Variants in CACNA2D3 observed in about 807,000 individuals in gnomAD.
CACNA2D3 encodes the protein calcium voltage-gated channel auxiliary subunit alpha2delta 3.
In CACNA2D3, 60 loss-of-function variants were observed where a neutral mutation model predicts 160.6. The observed-to-expected ratio is 0.37, with a 90% CI of 0.30 to 0.46. CACNA2D3 has a LOEUF of 0.46. Ranked by LOEUF, CACNA2D3 falls within the 20% of genes least tolerant of loss-of-function variation. CACNA2D3 has a pLI of 1.00. For synonymous variants in CACNA2D3, 558 were observed against 492.9 expected (o/e 1.13, Z -1.75); for missense variants, 1,205 against 1,365.0 (o/e 0.88, Z 1.85).
intron 16 of CACNA2D3, among the ~76,000 whole-genome samples, chr3:54,842,689 C>G (rs1698843952): frequency 1.3e-5 from 2 of 151,778 alleles, no homozygotes; most frequent in Non-Finnish European, 2.9e-5. Flanking sequence ...CAACCTCTGC[C>G]TTCCAGGTTC....
At chr3:54,944,305 A>T (rs1701552952) in intron 27 of CACNA2D3, among the ~76,000 whole-genome samples, 1 of 151,718 alleles carries the variant, frequency 6.6e-6, no homozygotes, top group African/African-American at 2.4e-5. Context: ...TTTTTGTTTT[A>T]TTATCTGCCA....
chr3:54,370,425 TG>T (rs1698904686), intron 3 of CACNA2D3, among the ~76,000 whole-genome samples: 1 of 152,238 alleles, frequency 6.6e-6, no homozygotes, highest in African/African-American at 2.4e-5. Flanking sequence ...TGGGTCGTTG[TG>T]CTAAAGACAC....
intron 8 of CACNA2D3, among the ~76,000 whole-genome samples, chr3:54,573,916 G>A (rs1222371484): frequency 6.6e-6 from 1 of 152,118 alleles, no homozygotes; most frequent in Non-Finnish European, 1.5e-5. Flanking sequence ...AATTGCTCTA[G>A]TAATATGGTG....
chr3:54,391,771 A>C (rs1699286696), intron 4 of CACNA2D3, among the ~76,000 whole-genome samples: 1 of 152,118 alleles, frequency 6.6e-6, no homozygotes, highest in Non-Finnish European at 1.5e-5. Flanking sequence ...TTGGCCTCCC[A>C]AAGTGCTGGG....
chr3:54,918,292 C>A, intron 27 of CACNA2D3: 2 of 682,980 alleles, frequency 2.9e-6, no homozygotes, highest in Non-Finnish European at 4.8e-6. Flanking sequence ...ACATAAATTC[C>A]TCCCCAGAAA....
At chr3:54,607,222 T>C (rs776629468) in intron 9 of CACNA2D3, among the ~76,000 whole-genome samples, 16 of 152,328 alleles carry the variant, frequency 1.1e-4, no homozygotes, top group Non-Finnish European at 1.9e-4. Context: ...GGCATGTTCA[T>C]GTCCCTCTAG....
intron 32 of CACNA2D3, among the ~76,000 whole-genome samples, chr3:55,006,756 T>C (rs553034401): frequency 3.3e-4 from 50 of 152,354 alleles, no homozygotes; most frequent in African/African-American, 1.0e-3. Flanking sequence ...GGGAAAGTTT[T>C]GAGAATGATT....
chr3:54,232,396 G>A (rs913289520), intron 2 of CACNA2D3, among the ~76,000 whole-genome samples: 6 of 152,156 alleles, frequency 3.9e-5, no homozygotes, highest in African/African-American at 1.4e-4. Flanking sequence ...AGTTGTCACT[G>A]CTCTCATGTC....
chr3:54,850,687 T>C (rs1699039177), intron 17 of CACNA2D3, among the ~76,000 whole-genome samples: 1 of 152,196 alleles, frequency 6.6e-6, no homozygotes, highest in Non-Finnish European at 1.5e-5. Context: ...GGAGGTTCCC[T>C]TTCAGCAGCT....
At chr3:54,962,396 C>T (rs1702051366) in intron 27 of CACNA2D3, among the ~76,000 whole-genome samples, 2 of 152,164 alleles carry the variant, frequency 1.3e-5, no homozygotes, top group African/African-American at 4.8e-5. Context: ...TTTCTGCTCA[C>T]TCTCAACATA....
chr3:54,411,571 T>C (rs1056446301), intron 4 of CACNA2D3, among the ~76,000 whole-genome samples: 1 of 152,190 alleles, frequency 6.6e-6, no homozygotes, highest in Non-Finnish European at 1.5e-5. Flanking sequence ...GGTACACACA[T>C]TGATTTTTAG....
At chr3:54,261,766 T>A (rs1702403497) in intron 2 of CACNA2D3, among the ~76,000 whole-genome samples, 1 of 152,198 alleles carries the variant, frequency 6.6e-6, no homozygotes, top group African/African-American at 2.4e-5. Flanking sequence ...CCTCTCACTA[T>A]CCTTGGTGTG....
intron 27 of CACNA2D3, among the ~76,000 whole-genome samples, chr3:54,909,885 C>T (rs1700521938): frequency 6.6e-6 from 1 of 152,000 alleles, no homozygotes; most frequent in Non-Finnish European, 1.5e-5. Context: ...CAGTGTGGCC[C>T]ACGGAAGCCA....
At chr3:54,823,228 G>T (rs960906969) in intron 14 of CACNA2D3, among the ~76,000 whole-genome samples, 1 of 151,958 alleles carries the variant, frequency 6.6e-6, no homozygotes, top group Non-Finnish European at 1.5e-5. Context: ...GTCTACTTGT[G>T]TGTAAGGGGA....
chr3:54,456,109 G>T (rs1029308161), intron 4 of CACNA2D3, among the ~76,000 whole-genome samples: 1 of 152,084 alleles, frequency 6.6e-6, no homozygotes, highest in Non-Finnish European at 1.5e-5. Flanking sequence ...TTTTGATAGA[G>T]ATTGCATTGA....
At chr3:54,175,600 C>T (rs1284338001) in intron 2 of CACNA2D3, among the ~76,000 whole-genome samples, 2 of 119,444 alleles carry the variant, frequency 1.7e-5, no homozygotes, top group Non-Finnish European at 3.2e-5. Context: ...GGTGACAAAG[C>T]GAGACTCTGT....
chr3:54,502,959 A>C (rs1325127404), intron 4 of CACNA2D3, among the ~76,000 whole-genome samples: 1 of 152,050 alleles, frequency 6.6e-6, no homozygotes, highest in East Asian at 1.9e-4. Flanking sequence ...TGCCCACACC[A>C]CTGGATTTCT....
intron 27 of CACNA2D3, among the ~76,000 whole-genome samples, chr3:54,934,491 C>T (rs1016072306): frequency 2.6e-5 from 4 of 152,152 alleles, no homozygotes; most frequent in African/African-American, 7.2e-5. Flanking sequence ...TGAATATCAG[C>T]GGAGTTTGAA....
intron 35 of CACNA2D3, among the ~76,000 whole-genome samples, chr3:55,055,293 A>G (rs957729140): frequency 2.0e-5 from 3 of 152,106 alleles, no homozygotes; most frequent in African/African-American, 7.2e-5. Flanking sequence ...CAGTTGTCCC[A>G]CACCATGTGT....
Sources: allele counts gnomAD v4.1 joint callset (sites outside exome capture counted in the v4.1 genomes callset), GRCh38; gene constraint gnomAD v4.1.1; transcripts MANE v1.5; gene names NCBI Gene and HGNC (gene_info 2026-07-23, HGNC 2026-07-21).